The following AIFM1 variants were observed in gnomAD, a reference collection of about 807,000 sequenced individuals.
AIFM1 encodes apoptosis inducing factor mitochondria associated 1.
Under a neutral mutation model 51.7 loss-of-function variants are expected in AIFM1, and 3 were observed. That is an observed-to-expected ratio of 0.06 (90% confidence interval 0.03 to 0.15). The LOEUF is 0.15. Ranked by LOEUF, AIFM1 falls within the 10% of genes least tolerant of loss-of-function variation. The pLI is 1.00. For synonymous variants in AIFM1, 178 were observed against 179.4 expected, an observed-to-expected ratio of 0.99 and a Z score of 0.06; for missense variants, 330 against 476.8, an observed-to-expected ratio of 0.69 and a Z score of 2.87.
At chrX:130,156,696 A>T (rs1603230216) in intron 1 of AIFM1, 93 bp from the exon 2 acceptor site, 2 of 965,908 alleles carry the variant, frequency 2.1e-6, no homozygotes, top group East Asian at 6.2e-5. Context: ...TACAAGACTT[A>T]TTGCCCACAG....
At chrX:130,140,733 T>A in intron 6 of AIFM1, 116 bp from the exon 7 acceptor site, 1 of 574,030 alleles carries the variant, frequency 1.7e-6, no homozygotes, top group Non-Finnish European at 2.9e-6. Flanking sequence ...TTCTGTGGAT[T>A]TCAGTATATT....
At chrX:130,163,111 C>A (rs1201093036) in intron 1 of AIFM1, among the ~76,000 whole-genome samples, 3 of 109,804 alleles carry the variant, frequency 2.7e-5, no homozygotes, top group African/African-American at 9.9e-5. Context: ...GAGTTTGAGA[C>A]CAGCCTGGCC....
intron 8 of AIFM1, 115 bp downstream of exon 8, chrX:130,139,680 G>T: frequency 1.5e-6 from 1 of 659,151 alleles, no homozygotes; most frequent in Non-Finnish European, 2.5e-6. Context: ...CAAGTCTGGA[G>T]AAGAGCCATA....
chrX:130,143,258 C>T (rs770584723), intron 6 of AIFM1, among the ~76,000 whole-genome samples: 3 of 111,915 alleles, frequency 2.7e-5, no homozygotes, highest in South Asian at 7.5e-4. Flanking sequence ...GTCCCCTGGG[C>T]GTGGCAGTCA....
rs183409616 is a variant in AIFM1 at position 130,129,641 on chromosome X, G to A, written c.1771-13C>T. ...CGTCCTTAATGATCTGAGGGAGAGA[G>A]AGTAACAATAGGTCCCTAACTTACT... On this transcript the variant is annotated splice_polypyrimidine_tract_variant and intron_variant, in intron 15 of 15. Coordinates refer to ENST00000287295, the MANE Select transcript of AIFM1 (RefSeq NM_004208.4). 11 of 1,196,899 alleles carry A rather than the reference G, an allele frequency of 9.2e-6. No individual in the cohort carries two copies. In the African/African-American group the frequency reaches 1.2e-4, roughly 13 times the overall value.
chrX:130,144,874 G>A (rs914773271), intron 6 of AIFM1, among the ~76,000 whole-genome samples: 2 of 112,384 alleles, frequency 1.8e-5, no homozygotes, highest in African/African-American at 3.2e-5. Context: ...TACAGGAGAA[G>A]TGAGTATGTT....
At chrX:130,165,483 T>G in intron 1 of AIFM1, 68 bp downstream of exon 1, 13 of 945,814 alleles carry the variant, frequency 1.4e-5, no homozygotes, top group Non-Finnish European at 1.8e-5. Flanking sequence ...GGTAGAGGGC[T>G]GCAAGGCACA....
At chrX:130,145,443 G>A (rs779615818) in intron 6 of AIFM1, 36 bp downstream of exon 6, 12 of 1,079,191 alleles carry the variant, frequency 1.1e-5, no homozygotes, top group African/African-American at 7.3e-5. Flanking sequence ...GGGCAAGTAC[G>A]TAGAGCCTGA....
In AIFM1 at chrX:130,137,199, A is replaced by T. The variant is rs201991839; in HGVS notation, c.968-14T>A. ...CCAAGGCTCGAGCTGGGAAGAAGAAACAGAGTAGTTACAGCAGGAAGCAAA... is the reference window on the plus strand; with the variant it reads ...CCAAGGCTCGAGCTGGGAAGAAGAATCAGAGTAGTTACAGCAGGAAGCAAA... On this transcript the variant is annotated splice_polypyrimidine_tract_variant and intron_variant, in intron 9 of 15. Coordinates refer to ENST00000287295, the MANE Select transcript of AIFM1 (RefSeq NM_004208.4). The T allele has an allele frequency of 2.5e-5, 30 of 1,209,106 alleles. 1 individual carries two copies. The East Asian group carries it at 8.9e-4, about 36-fold the overall frequency.
rs755385173 is a variant in AIFM1, at chrX:130,140,795, C to A, written c.697-178G>T. Reference sequence around the variant, plus strand: ...ATCTGATTTCAGAACATTTCCATCACCACCCCAAAACTCCAGGTCAATAAG... The same window carrying A: ...ATCTGATTTCAGAACATTTCCATCAACACCCCAAAACTCCAGGTCAATAAG... On this transcript the variant is annotated intron_variant, in intron 6 of 15. Coordinates refer to ENST00000287295, the MANE Select transcript of AIFM1 (RefSeq NM_004208.4). Among the ~76,000 whole-genome samples, 54 of 112,582 alleles carry A rather than the reference C, an allele frequency of 4.8e-4. 1 individual carries two copies. Among genetic ancestry groups the A allele is most frequent in the African/African-American group, 1.5e-3 (48 of 31,030 alleles).
intron 9 of AIFM1, among the ~76,000 whole-genome samples, chrX:130,138,241 G>A (rs533350620): frequency 1.8e-5 from 2 of 111,036 alleles, no homozygotes; most frequent in African/African-American, 3.3e-5. Context: ...CAAGGTGGGC[G>A]GATCACCAGG....
chrX:130,136,705 T>C lies in AIFM1; in HGVS notation c.1102A>G (p.Ile368Val). 8.3e-7 allele frequency: 1 copy of C among 1,210,427 alleles called. No individual in the cohort carries two copies. The highest frequency in any genetic ancestry group is 1.1e-6 in the Non-Finnish European group (1 of 894,983). ...REGVKVMPNA[I>V]VQSVGVSSGK... ...CTGCTGACTCCAACGGATTGCACAA[T>C]AGCATTGGGCATCACCTTAACCCCC... Residue 368 changes from isoleucine (I) to valine (V), a missense_variant, in exon 11 of 16, where the codon ATT (isoleucine) becomes GTT (valine). By Grantham distance (29) the Ile-to-Val change is conservative. Around this residue, in one of 4 missense-constraint regions of AIFM1, gnomAD observed 152 missense variants for 292.8 expected, o/e 0.52. Coordinates refer to ENST00000287295, the MANE Select transcript of AIFM1 (RefSeq NM_004208.4).
chrX:130,159,615 T>C (rs2031283082), intron 1 of AIFM1, among the ~76,000 whole-genome samples: 1 of 110,989 alleles, frequency 9.0e-6, no homozygotes, highest in South Asian at 3.7e-4. Flanking sequence ...TTTTTTGTTT[T>C]TGTTTTTCTT....
At chrX:130,146,567 G>A (rs1211044345) in intron 5 of AIFM1, among the ~76,000 whole-genome samples, 1 of 109,557 alleles carries the variant, frequency 9.1e-6, no homozygotes, top group Non-Finnish European at 1.9e-5. Flanking sequence ...TGGAACTAGT[G>A]GGGGTGAGGG....
chrX:130,146,744 C>T (rs1015318578), intron 5 of AIFM1, among the ~76,000 whole-genome samples: 6 of 111,141 alleles, frequency 5.4e-5, no homozygotes, highest in African/African-American at 2.0e-4. Flanking sequence ...AATTCTAACA[C>T]AGGCTCTTCC....
intron 2 of AIFM1, among the ~76,000 whole-genome samples, chrX:130,150,696 C>T (rs1426190112): frequency 2.9e-5 from 3 of 105,122 alleles, no homozygotes; most frequent in African/African-American, 1.0e-4. Context: ...TGCTTTTGGC[C>T]GGGCATGGTG....
At position 130,131,907 on chromosome X, in the gene AIFM1, C is replaced by T. The variant is rs183850063; in HGVS notation, c.1449-108G>A. 46 of 1,012,764 alleles carry T rather than the reference C, an allele frequency of 4.5e-5. No homozygotes were observed. In the East Asian group the frequency reaches 1.2e-3, roughly 26 times the overall value. 83.5% of individuals were successfully genotyped at this position (1,012,764 alleles called of 1,213,427 possible). A position where few individuals can be genotyped will look rare whatever the true frequency, so the allele number is the denominator to read the frequency against. ...TTTTTTTTTGAGACGGAGTTTCACT[C>T]GTTGCCCAGGCTGGAGTGCAATGGG... On this transcript the variant is annotated intron_variant, in intron 13 of 15. Coordinates refer to ENST00000287295, the MANE Select transcript of AIFM1 (RefSeq NM_004208.4).
rs1459959209 is a variant in AIFM1 at position 130,165,781 on chromosome X, TC to T, written c.-126del. ...ACACGCACATTACGCAGACTCCTCC[TC>T]CCAGCTCCGGGTGGGCATTGGACAG... On this transcript the variant is annotated 5_prime_UTR_variant, in exon 1 of 16. The change abolishes the stop of an existing upstream ORF in the 5' untranslated region. Coordinates refer to ENST00000287295, the MANE Select transcript of AIFM1 (RefSeq NM_004208.4). 2.3e-5 allele frequency: 14 copies of T among 603,570 alleles called. No homozygotes were observed. The Admixed American group carries it at 3.7e-4, about 16-fold the overall frequency. The allele number at this position is 603,570 out of a possible 1,213,427, so 49.7% of individuals were successfully genotyped here.
At chrX:130,140,136 G>T (rs1490190681) in intron 7 of AIFM1, among the ~76,000 whole-genome samples, 1 of 112,571 alleles carries the variant, frequency 8.9e-6, no homozygotes, top group Non-Finnish European at 1.9e-5. Flanking sequence ...TGGCTTCCAT[G>T]TTCTCTTCTA....
Sources: gnomAD v4.1 joint callset for allele counts (sites outside exome capture counted in the v4.1 genomes callset) on GRCh38, gnomAD v4.1.1 for gene constraint, gnomAD v4.1.1 regional missense constraint, MANE v1.5 for transcripts, NCBI Gene and HGNC (gene_info 2026-07-23, HGNC 2026-07-21) for gene names.